The following ADAMTSL1 variants were observed in gnomAD, a reference collection of about 807,000 sequenced individuals.
ADAMTSL1 encodes the protein ADAMTS-like protein 1.
ADAMTSL1 carries 126 observed loss-of-function variants against 201.8 expected under a neutral mutation model. That is an observed-to-expected ratio of 0.62 (90% CI 0.54 to 0.72). The LOEUF (loss-of-function observed/expected upper bound fraction) is 0.72. ADAMTSL1 is among the 30% of genes least tolerant of loss of function. ADAMTSL1 has a pLI of 0.00. For synonymous variants in ADAMTSL1, 1,121 were observed against 903.4 expected, an observed-to-expected ratio of 1.24 and a Z score of -4.32; for missense variants, 2,679 against 2,277.8, an observed-to-expected ratio of 1.18 and a Z score of -3.59.
intron 1 of ADAMTSL1, among the ~76,000 whole-genome samples, chr9:17,989,844 T>G (rs1213310511): frequency 6.6e-6 from 1 of 151,726 alleles, no homozygotes. Context: ...TTTTTTAGCA[T>G]GCAAAGAAAG....
chr9:18,006,606 T>A (rs1287670244), intron 1 of ADAMTSL1, among the ~76,000 whole-genome samples: 1 of 152,002 alleles, frequency 6.6e-6, no homozygotes, highest in Non-Finnish European at 1.5e-5. Context: ...GAAAAAGACC[T>A]TGGATATATC....
chr9:18,718,105 A>G (rs1197959976), intron 14 of ADAMTSL1: 2 of 1,272,768 alleles, frequency 1.6e-6, no homozygotes, highest in East Asian at 2.3e-5. Flanking sequence ...CTAAGAATGC[A>G]CAGTTGTTCC....
intron 5 of ADAMTSL1, among the ~76,000 whole-genome samples, chr9:18,632,503 A>G (rs1270091730): frequency 6.6e-6 from 1 of 152,194 alleles, no homozygotes; most frequent in Non-Finnish European, 1.5e-5. Context: ...TCCTAAAAAA[A>G]TGAATGAATA....
intron 2 of ADAMTSL1, among the ~76,000 whole-genome samples, chr9:18,240,441 C>T (rs1394803143): frequency 1.3e-5 from 2 of 151,646 alleles, no homozygotes; most frequent in Non-Finnish European, 2.9e-5. Flanking sequence ...TTTGTTGTTC[C>T]ATTTATAGAG....
chr9:18,817,031 T>G (rs1166925569), intron 20 of ADAMTSL1, 78 bp from the exon 21 acceptor site: 1 of 1,546,132 alleles, frequency 6.5e-7, no homozygotes, highest in Non-Finnish European at 8.7e-7. Context: ...GCATTGGTGG[T>G]TAGCCCATAT....
chr9:18,881,372 A>G (rs904665559), intron 23 of ADAMTSL1, among the ~76,000 whole-genome samples: 4 of 152,198 alleles, frequency 2.6e-5, no homozygotes, highest in Non-Finnish European at 5.9e-5. Context: ...GAACACTTAG[A>G]TGCCACTGTA....
chr9:18,794,909 T>C (rs1822304653), intron 19 of ADAMTSL1, among the ~76,000 whole-genome samples: 1 of 152,242 alleles, frequency 6.6e-6, no homozygotes, highest in Admixed American at 6.5e-5. Context: ...CCCAAAGTGC[T>C]GGGATTATAG....
intron 1 of ADAMTSL1, among the ~76,000 whole-genome samples, chr9:18,023,209 C>T (rs1820553025): frequency 6.6e-6 from 1 of 152,002 alleles, no homozygotes; most frequent in Non-Finnish European, 1.5e-5. Flanking sequence ...TTGTGGGCTG[C>T]ATTAGAATCA....
chr9:18,009,467 T>C (rs1000397355), intron 1 of ADAMTSL1, among the ~76,000 whole-genome samples: 6 of 152,064 alleles, frequency 3.9e-5, no homozygotes, highest in Non-Finnish European at 8.8e-5. Flanking sequence ...GTACCTTGCA[T>C]AGTGCCTGGT....
chr9:18,771,956 T>C (rs1820718175), intron 17 of ADAMTSL1, among the ~76,000 whole-genome samples: 1 of 152,202 alleles, frequency 6.6e-6, no homozygotes, highest in South Asian at 2.1e-4. Flanking sequence ...CGACAGGTTT[T>C]ATAACTTGGC....
chr9:18,174,196 T>C (rs1286591582), intron 2 of ADAMTSL1, among the ~76,000 whole-genome samples: 1 of 152,188 alleles, frequency 6.6e-6, no homozygotes, highest in African/African-American at 2.4e-5. Flanking sequence ...ATTCACCTTA[T>C]GGAAAGGCAA....
At chr9:18,756,057 A>C (rs1819726565) in intron 16 of ADAMTSL1, among the ~76,000 whole-genome samples, 1 of 126,556 alleles carries the variant, frequency 7.9e-6, no homozygotes, top group East Asian at 2.4e-4. Context: ...TAGCATGGTG[A>C]AACCCTGTCT....
At chr9:18,622,974 C>A (rs1826127409) in intron 5 of ADAMTSL1, among the ~76,000 whole-genome samples, 1 of 152,224 alleles carries the variant, frequency 6.6e-6, no homozygotes, top group African/African-American at 2.4e-5. Context: ...CAGCTCACTG[C>A]AACCTCCGCT....
chr9:17,934,152 C>A (rs1170044216), intron 1 of ADAMTSL1, among the ~76,000 whole-genome samples: 1 of 152,122 alleles, frequency 6.6e-6, no homozygotes, highest in Non-Finnish European at 1.5e-5. Context: ...AATCAAGAAG[C>A]TGTATGTGGT....
At chr9:18,250,577 C>G (rs1419288913) in intron 2 of ADAMTSL1, among the ~76,000 whole-genome samples, 1 of 152,092 alleles carries the variant, frequency 6.6e-6, no homozygotes, top group Non-Finnish European at 1.5e-5. Flanking sequence ...TGGGAATCCC[C>G]TCCCCTCAAA....
intron 14 of ADAMTSL1, among the ~76,000 whole-genome samples, chr9:18,711,572 C>A (rs1210567654): frequency 6.6e-6 from 1 of 152,230 alleles, no homozygotes; most frequent in Non-Finnish European, 1.5e-5. Context: ...GAGATTATAT[C>A]CCGCACCTGG....
At chr9:18,475,529 T>C (rs1239204630) in intron 1 of ADAMTSL1, among the ~76,000 whole-genome samples, 1 of 152,178 alleles carries the variant, frequency 6.6e-6, no homozygotes, top group Admixed American at 6.5e-5. Flanking sequence ...GCTATAAATA[T>C]AGAAATAAAT....
chr9:18,667,523 T>C lies in ADAMTSL1; in HGVS notation c.1085+5450T>C, dbSNP rs368874535. The stretch of plus-strand genomic sequence containing the variant: ...CCTTTGGCAAATTCCTTATTCCCAC[T>C]AAGCCTCAGATTTTTCATCCTACGA... On this transcript the variant is annotated intron_variant, in intron 9 of 28. Coordinates refer to ENST00000380548, the MANE Select transcript of ADAMTSL1 (RefSeq NM_001040272.6). Among the ~76,000 whole-genome samples, 41 of 152,108 alleles carry C rather than the reference T, an allele frequency of 2.7e-4. 1 individual carries two copies. Among genetic ancestry groups the C allele is most frequent in the East Asian group, 2.5e-3 (13 of 5,184 alleles).
chr9:18,391,219 C>G (rs1838032072), intron 2 of ADAMTSL1, among the ~76,000 whole-genome samples: 1 of 152,146 alleles, frequency 6.6e-6, no homozygotes, highest in South Asian at 2.1e-4. Flanking sequence ...TACCTTTTTC[C>G]TATAAAAACT....
Sources: gnomAD v4.1 joint callset for allele counts (sites outside exome capture counted in the v4.1 genomes callset) on GRCh38, gnomAD v4.1.1 for gene constraint, MANE v1.5 for transcripts, NCBI Gene and HGNC (gene_info 2026-07-23, HGNC 2026-07-21) for gene names.